LSAMP: variants seen among roughly 807,000 people sequenced by gnomAD.
LSAMP encodes the protein limbic system associated membrane protein, also known as limbic system-associated membrane protein.
LSAMP carries 7 observed loss-of-function variants against 38.6 expected under a neutral mutation model. That is an observed-to-expected ratio of 0.18 (90% CI 0.10 to 0.34). The LOEUF (loss-of-function observed/expected upper bound fraction) is 0.34, where lower values mean the gene tolerates loss of function less well. Ranked by LOEUF, LSAMP falls within the 10% of genes least tolerant of loss-of-function variation. LSAMP has a pLI of 1.00. For missense variants in LSAMP, 313 were observed against 420.0 expected, an observed-to-expected ratio of 0.75 and a Z score of 2.23; for synonymous variants, 154 against 166.8, an observed-to-expected ratio of 0.92 and a Z score of 0.59.
At chr3:116,354,695 C>T (rs2048195171) in intron 1 of LSAMP, among the ~76,000 whole-genome samples, 1 of 152,140 alleles carries the variant, frequency 6.6e-6, no homozygotes, top group East Asian at 1.9e-4. Flanking sequence ...ATATCTACTA[C>T]CTATGCATAC....
chr3:116,232,090 G>A (rs188052342), intron 1 of LSAMP, among the ~76,000 whole-genome samples: 11 of 152,276 alleles, frequency 7.2e-5, no homozygotes, highest in Non-Finnish European at 1.0e-4. Flanking sequence ...CAAAGTCAGG[G>A]CTCTAGTCTT....
At chr3:116,386,498 G>A (rs2048627977) in intron 1 of LSAMP, among the ~76,000 whole-genome samples, 1 of 151,990 alleles carries the variant, frequency 6.6e-6, no homozygotes, top group African/African-American at 2.4e-5. Flanking sequence ...AGAGAGATGG[G>A]GTTTTGCTCT....
chr3:115,910,757 T>G (rs1463927004), intron 3 of LSAMP, among the ~76,000 whole-genome samples: 1 of 152,172 alleles, frequency 6.6e-6, no homozygotes, highest in Non-Finnish European at 1.5e-5. Context: ...TATAATTTTG[T>G]CCTTTCAAGA....
chr3:116,239,622 A>G (rs531245411), intron 1 of LSAMP, among the ~76,000 whole-genome samples: 1 of 152,178 alleles, frequency 6.6e-6, no homozygotes, highest in Non-Finnish European at 1.5e-5. Context: ...ATTAACTTGC[A>G]GAAAATCAGG....
chr3:115,813,223 C>T (rs1297825380), intron 6 of LSAMP, among the ~76,000 whole-genome samples: 1 of 152,008 alleles, frequency 6.6e-6, no homozygotes, highest in Non-Finnish European at 1.5e-5. Flanking sequence ...AGATGAACCA[C>T]GTATACAAAG....
At chr3:116,267,511 C>T (rs900422741) in intron 1 of LSAMP, among the ~76,000 whole-genome samples, 4 of 151,076 alleles carry the variant, frequency 2.6e-5, no homozygotes, top group South Asian at 4.2e-4. Context: ...AGGAGGAAAG[C>T]AGCAGTCAGG....
intron 3 of LSAMP, among the ~76,000 whole-genome samples, chr3:115,905,593 C>T (rs4831119): frequency 0.19 from 29,424 of 151,902 alleles, 3,166 homozygotes; most frequent in African/African-American, 0.29. Flanking sequence ...TCCTTTGCTA[C>T]TGAGTCAGTA....
chr3:116,048,272 T>C (rs939899678), intron 2 of LSAMP, among the ~76,000 whole-genome samples: 1 of 152,212 alleles, frequency 6.6e-6, no homozygotes, highest in Non-Finnish European at 1.5e-5. Context: ...AATAACTTTG[T>C]TGTGTGTGTG....
intron 4 of LSAMP, among the ~76,000 whole-genome samples, chr3:115,843,422 A>G (rs1220976012): frequency 6.6e-6 from 1 of 152,126 alleles, no homozygotes; most frequent in African/African-American, 2.4e-5. Flanking sequence ...CTTTGTTAGG[A>G]TTATAGACTC....
chr3:116,329,258 G>A (rs1482007489), intron 1 of LSAMP, among the ~76,000 whole-genome samples: 1 of 152,060 alleles, frequency 6.6e-6, no homozygotes, highest in Non-Finnish European at 1.5e-5. Flanking sequence ...CAATTTTAGG[G>A]TTAGACAAAC....
At chr3:116,398,682 G>T (rs2048801631) in intron 1 of LSAMP, among the ~76,000 whole-genome samples, 1 of 152,184 alleles carries the variant, frequency 6.6e-6, no homozygotes, top group Non-Finnish European at 1.5e-5. Context: ...AAGCATAAAA[G>T]AGTCTGTAAT....
intron 2 of LSAMP, among the ~76,000 whole-genome samples, chr3:116,070,887 A>T (rs912016960): frequency 6.6e-6 from 1 of 151,950 alleles, no homozygotes; most frequent in African/African-American, 2.4e-5. Flanking sequence ...CTAAAAATAC[A>T]AAATTAGCTG....
At chr3:115,979,614 T>C (rs556783970) in intron 3 of LSAMP, among the ~76,000 whole-genome samples, 3 of 152,200 alleles carry the variant, frequency 2.0e-5, no homozygotes, top group African/African-American at 7.2e-5. Flanking sequence ...GCTTAGAACA[T>C]AGTTTCTTCA....
At chr3:116,440,229 T>A (rs1401095381) in intron 1 of LSAMP, among the ~76,000 whole-genome samples, 2 of 152,170 alleles carry the variant, frequency 1.3e-5, no homozygotes, top group African/African-American at 2.4e-5. Context: ...GAGGCTCAGA[T>A]GATGACAGGG....
chr3:116,351,880 G>A (rs1424530862), intron 1 of LSAMP, among the ~76,000 whole-genome samples: 1 of 151,858 alleles, frequency 6.6e-6, no homozygotes, highest in Non-Finnish European at 1.5e-5. Context: ...TGCTTCTCAG[G>A]GACAAATATC....
At chr3:116,002,247 C>T (rs1454343849) in intron 3 of LSAMP, among the ~76,000 whole-genome samples, 1 of 152,144 alleles carries the variant, frequency 6.6e-6, no homozygotes, top group African/African-American at 2.4e-5. Context: ...AACACTTATG[C>T]CCTAGAGAGG....
intron 1 of LSAMP, among the ~76,000 whole-genome samples, chr3:116,299,402 A>G (rs1183612519): frequency 6.6e-6 from 1 of 152,222 alleles, no homozygotes; most frequent in East Asian, 1.9e-4. Context: ...CCACACGAAC[A>G]TGGTCACTCT....
chr3:116,001,779 C>T (rs924468667), intron 3 of LSAMP, among the ~76,000 whole-genome samples: 1 of 152,202 alleles, frequency 6.6e-6, no homozygotes, highest in Non-Finnish European at 1.5e-5. Context: ...GCACTCTGAC[C>T]TTCCTGCTTC....
At chr3:116,408,630 A>G (rs1350383724) in intron 1 of LSAMP, among the ~76,000 whole-genome samples, 1 of 152,122 alleles carries the variant, frequency 6.6e-6, no homozygotes, top group African/African-American at 2.4e-5. Context: ...ACCGTGCATG[A>G]TAGATACTAT....
Sources: allele counts gnomAD v4.1 joint callset (sites outside exome capture counted in the v4.1 genomes callset), GRCh38; gene constraint gnomAD v4.1.1; transcripts MANE v1.5; gene names NCBI Gene and HGNC (gene_info 2026-07-23, HGNC 2026-07-21).